The following UMAD1 variants were observed in gnomAD, a reference collection of about 807,000 sequenced individuals.
UMAD1 encodes UBAP1-MVB12-associated (UMA)-domain containing protein 1.
UMAD1 carries 8 observed loss-of-function variants against 6.1 expected under a neutral mutation model. The observed-to-expected ratio is 1.30, with a 90% CI of 0.76 to 2.35. The LOEUF is 2.35. UMAD1 is among the 30% of genes most tolerant of loss of function. The pLI, the probability that UMAD1 is intolerant of heterozygous loss-of-function variation, is 0.00. For missense variants in UMAD1, 130 were observed against 78.4 expected, an observed-to-expected ratio of 1.66 and a Z score of -2.49; for synonymous variants, 56 against 31.4, an observed-to-expected ratio of 1.78 and a Z score of -2.61.
chr7:7,796,865 T>C (rs1782695227), intron 2 of UMAD1, among the ~76,000 whole-genome samples: 1 of 152,076 alleles, frequency 6.6e-6, no homozygotes. Context: ...TCCAAAACCC[T>C]TAAAAACCCT....
chr7:7,655,176 G>T (rs1162293665), intron 1 of UMAD1, among the ~76,000 whole-genome samples: 1 of 151,946 alleles, frequency 6.6e-6, no homozygotes, highest in Admixed American at 6.6e-5. Flanking sequence ...GATGCCTCTG[G>T]CCTGCTCTCC....
At chr7:7,698,576 G>T (rs1008285858) in intron 2 of UMAD1, among the ~76,000 whole-genome samples, 1 of 151,766 alleles carries the variant, frequency 6.6e-6, no homozygotes, top group Admixed American at 6.6e-5. Context: ...GTAGTATTTC[G>T]TAGAACTGGA....
chr7:7,785,815 G>A (rs1329650366), intron 2 of UMAD1, among the ~76,000 whole-genome samples: 2 of 152,164 alleles, frequency 1.3e-5, no homozygotes, highest in Non-Finnish European at 2.9e-5. Context: ...GACACAAAGA[G>A]TACCTAGGAG....
At chr7:7,712,219 A>G (rs1442623775) in intron 2 of UMAD1, among the ~76,000 whole-genome samples, 2 of 152,170 alleles carry the variant, frequency 1.3e-5, no homozygotes, top group Non-Finnish European at 2.9e-5. Flanking sequence ...ATAAAAAATG[A>G]ATAACAGATG....
At chr7:7,644,971 C>T (rs1012634962) in intron 1 of UMAD1, among the ~76,000 whole-genome samples, 2 of 152,122 alleles carry the variant, frequency 1.3e-5, no homozygotes, top group African/African-American at 4.8e-5. Context: ...TAAAATCTTT[C>T]CAAAAGGTCT....
intron 2 of UMAD1, among the ~76,000 whole-genome samples, chr7:7,731,480 C>A (rs1244644471): frequency 1.5e-5 from 2 of 133,974 alleles, no homozygotes; most frequent in African/African-American, 3.0e-5. Flanking sequence ...AGCAAACAAA[C>A]AACCCCCCCC....
At chr7:7,852,240 C>G (rs1442183626) in intron 3 of UMAD1, among the ~76,000 whole-genome samples, 2 of 152,196 alleles carry the variant, frequency 1.3e-5, no homozygotes, top group East Asian at 3.8e-4. Flanking sequence ...CCTCTACTCT[C>G]ACATCAACAT....
chr7:7,834,701 A>G (rs758329189), intron 3 of UMAD1, among the ~76,000 whole-genome samples: 1 of 151,854 alleles, frequency 6.6e-6, no homozygotes, highest in Non-Finnish European at 1.5e-5. Context: ...AATTTCTCTT[A>G]CCCTAATTAT....
At chr7:7,765,924 T>A (rs1026967264) in intron 2 of UMAD1, among the ~76,000 whole-genome samples, 1 of 152,214 alleles carries the variant, frequency 6.6e-6, no homozygotes, top group Non-Finnish European at 1.5e-5. Context: ...ACTTATTAAT[T>A]TCTTAGTCAA....
At chr7:7,761,778 A>G (rs554673678) in intron 2 of UMAD1, among the ~76,000 whole-genome samples, 3 of 152,346 alleles carry the variant, frequency 2.0e-5, no homozygotes, top group East Asian at 1.9e-4. Flanking sequence ...CTTTTCTTCT[A>G]GAATCTCAGC....
intron 2 of UMAD1, among the ~76,000 whole-genome samples, chr7:7,678,727 A>G (rs1426435765): frequency 8.2e-6 from 1 of 121,466 alleles, no homozygotes; most frequent in Non-Finnish European, 1.6e-5. Context: ...TTATAAATAT[A>G]TATTTATATA....
chr7:7,654,062 G>A (rs1193669947), intron 1 of UMAD1, among the ~76,000 whole-genome samples: 1 of 152,130 alleles, frequency 6.6e-6, no homozygotes, highest in Non-Finnish European at 1.5e-5. Context: ...AGAAGCAGTA[G>A]AGAAAAAAGC....
At chr7:7,651,037 C>A (rs1583694122) in intron 1 of UMAD1, among the ~76,000 whole-genome samples, 1 of 152,182 alleles carries the variant, frequency 6.6e-6, no homozygotes, top group East Asian at 1.9e-4. Flanking sequence ...TTGAGCAACC[C>A]CTCTGTAGCC....
intron 3 of UMAD1, among the ~76,000 whole-genome samples, chr7:7,825,424 A>C (rs893548970): frequency 6.6e-6 from 1 of 152,192 alleles, no homozygotes; most frequent in Non-Finnish European, 1.5e-5. Context: ...TAGGACTTAC[A>C]GTTCTGCATG....
chr7:7,774,259 G>A (rs11771147), intron 2 of UMAD1, among the ~76,000 whole-genome samples: 64,246 of 152,024 alleles, frequency 0.42, 13,617 homozygotes, highest in Non-Finnish European at 0.44. Flanking sequence ...GAAAGGTAGA[G>A]TAACAATTAA....
intron 2 of UMAD1, among the ~76,000 whole-genome samples, chr7:7,765,575 G>A (rs1188713015): frequency 1.3e-5 from 2 of 152,092 alleles, no homozygotes; most frequent in African/African-American, 4.8e-5. Context: ...TGACCCATTA[G>A]TCATTTCTTG....
At chr7:7,755,237 A>G (rs1355456029) in intron 2 of UMAD1, among the ~76,000 whole-genome samples, 1 of 152,208 alleles carries the variant, frequency 6.6e-6, no homozygotes, top group East Asian at 1.9e-4. Context: ...TACAAAATTT[A>G]AGGTCTTGTT....
At chr7:7,865,814 T>A (rs1035745386) in intron 3 of UMAD1, among the ~76,000 whole-genome samples, 1 of 152,132 alleles carries the variant, frequency 6.6e-6, no homozygotes, top group Non-Finnish European at 1.5e-5. Flanking sequence ...TAAGGGGACT[T>A]TGGAGTAGAT....
intron 2 of UMAD1, among the ~76,000 whole-genome samples, chr7:7,789,659 T>C (rs1319365520): frequency 6.6e-6 from 1 of 150,628 alleles, no homozygotes; most frequent in Admixed American, 6.6e-5. Flanking sequence ...TTCTGTTTTC[T>C]GTCTGTATGA....
Sources: gnomAD v4.1 joint callset for allele counts (sites outside exome capture counted in the v4.1 genomes callset) on GRCh38, gnomAD v4.1.1 for gene constraint, MANE v1.5 for transcripts, NCBI Gene and HGNC (gene_info 2026-07-23, HGNC 2026-07-21) for gene names.